MED13L: variants seen among roughly 807,000 people sequenced by gnomAD.
MED13L encodes the protein mediator complex subunit 13L.
MED13L carries 7 observed loss-of-function variants against 220.9 expected under a neutral mutation model. The ratio of observed to expected loss-of-function variants is 0.03; its 90% CI spans 0.02 to 0.06. The LOEUF (loss-of-function observed/expected upper bound fraction) is 0.06, where lower values mean the gene tolerates loss of function less well. Ranked by LOEUF, MED13L falls within the 10% of genes least tolerant of loss-of-function variation. The pLI, the probability that MED13L is intolerant of heterozygous loss-of-function variation, is 1.00. For synonymous variants in MED13L, 1,011 were observed against 1,015.2 expected (o/e 1.00, Z 0.08); for missense variants, 1,965 against 2,760.5 (o/e 0.71, Z 6.46).
chr12:116,232,013 CA>C, intron 2 of MED13L: 1 of 898,638 alleles, frequency 1.1e-6, no homozygotes, highest in Non-Finnish European at 1.3e-6. Flanking sequence ...TGCCCACTTG[CA>C]ATGAGTTCAA....
At chr12:116,084,923 C>T (rs1593025383) in intron 4 of MED13L, among the ~76,000 whole-genome samples, 1 of 152,114 alleles carries the variant, frequency 6.6e-6, no homozygotes, top group African/African-American at 2.4e-5. Context: ...TATATGTAGT[C>T]ATTTTTTTAA....
chr12:116,006,724 T>C (rs769820358), intron 11 of MED13L: 1 of 416,256 alleles, frequency 2.4e-6, no homozygotes, highest in African/African-American at 2.0e-5. Flanking sequence ...AACAACATTT[T>C]AGATGCTAAA....
At chr12:116,189,094 T>C (rs1270826122) in intron 2 of MED13L, among the ~76,000 whole-genome samples, 2 of 152,190 alleles carry the variant, frequency 1.3e-5, no homozygotes, top group Non-Finnish European at 2.9e-5. Context: ...AACTGCTAAA[T>C]GATAGTTGGC....
chr12:116,111,849 T>A (rs1212290609), intron 2 of MED13L, among the ~76,000 whole-genome samples: 1 of 152,208 alleles, frequency 6.6e-6, no homozygotes, highest in African/African-American at 2.4e-5. Context: ...AAAGACTAAT[T>A]TTGTTAAAGT....
At chr12:115,996,735 C>T in intron 15 of MED13L, 54 bp from the exon 16 acceptor site, 1 of 1,461,026 alleles carries the variant, frequency 6.8e-7, no homozygotes, top group South Asian at 1.1e-5. Flanking sequence ...GTAGAACACA[C>T]CACAGTGGCA....
intron 2 of MED13L, among the ~76,000 whole-genome samples, chr12:116,113,495 T>C (rs1295596437): frequency 1.3e-5 from 2 of 148,774 alleles, no homozygotes; most frequent in Non-Finnish European, 3.0e-5. Context: ...AAATTATATA[T>C]ATATATAAAA....
intron 4 of MED13L, among the ~76,000 whole-genome samples, chr12:116,025,822 AT>A (rs1180300398): frequency 7.2e-5 from 11 of 152,190 alleles, no homozygotes; most frequent in African/African-American, 2.7e-4. Flanking sequence ...GTTAACAATA[AT>A]GCATTGTATA....
chr12:116,184,715 A>G (rs928699666), intron 2 of MED13L, among the ~76,000 whole-genome samples: 28 of 152,220 alleles, frequency 1.8e-4, no homozygotes, highest in African/African-American at 6.5e-4. Context: ...TTAAAAAATC[A>G]ATAAAAGCCA....
At chr12:116,099,004 A>G (rs1872842467) in intron 3 of MED13L, among the ~76,000 whole-genome samples, 1 of 152,182 alleles carries the variant, frequency 6.6e-6, no homozygotes, top group Non-Finnish European at 1.5e-5. Flanking sequence ...AATATTATCA[A>G]TAACTGCTAC....
At chr12:115,978,117 A>G (rs1296639851) in intron 23 of MED13L, among the ~76,000 whole-genome samples, 2 of 152,140 alleles carry the variant, frequency 1.3e-5, no homozygotes, top group African/African-American at 4.8e-5. Context: ...GTGTGATTCC[A>G]TCTATAAGAA....
rs766327935 is a variant in MED13L, at chr12:115,991,199, T to C, written c.3755A>G (p.Gln1252Arg). 2.5e-6 allele frequency: 4 copies of C among 1,614,162 alleles called. No homozygotes were observed. The South Asian group carries it at 4.4e-5, about 18-fold the overall frequency. ...ACTCCAGCTTACACAGGGAAGAGTTTGGCGATTGTTAGAGGAAATGTAGTC... is the reference window on the plus strand; with the variant it reads ...ACTCCAGCTTACACAGGGAAGAGTTCGGCGATTGTTAGAGGAAATGTAGTC... ...FLDYISSNNR[Q>R]TLPCVSWSYD... The change falls in exon 17 of 31, where the codon CAA (glutamine) becomes CGA (arginine). Residue 1252 changes from glutamine to arginine, a missense_variant. By Grantham distance (43) the Gln-to-Arg change is conservative. Coordinates refer to ENST00000281928, the MANE Select transcript of MED13L (RefSeq NM_015335.5). This position sits in a 1 kb window ranked among gnomAD's most constrained non-coding sequence, Gnocchi z 7.7.
chr12:116,224,381 T>G (rs79126423), intron 2 of MED13L, among the ~76,000 whole-genome samples: 2,918 of 152,320 alleles, frequency 0.019, 54 homozygotes, highest in Non-Finnish European at 0.032. Context: ...AAGGTTATTA[T>G]GCCCAAAAAT....
intron 4 of MED13L, among the ~76,000 whole-genome samples, chr12:116,039,224 C>T (rs1291864772): frequency 6.6e-6 from 1 of 152,216 alleles, no homozygotes; most frequent in Non-Finnish European, 1.5e-5. Context: ...GCAGCTGGCA[C>T]TCACTGTGGC....
intron 3 of MED13L, among the ~76,000 whole-genome samples, chr12:116,101,284 T>C (rs1873045314): frequency 6.6e-6 from 1 of 152,238 alleles, no homozygotes; most frequent in Admixed American, 6.5e-5. Flanking sequence ...ACGGTGTGTG[T>C]CTGTCTTATC....
At chr12:116,092,782 T>G (rs950935151) in intron 4 of MED13L, among the ~76,000 whole-genome samples, 4 of 151,364 alleles carry the variant, frequency 2.6e-5, no homozygotes, top group Non-Finnish European at 5.9e-5. Flanking sequence ...GTGGGGGGGG[T>G]GTGTGCACAT....
intron 4 of MED13L, among the ~76,000 whole-genome samples, chr12:116,062,956 CT>C (rs539402036): frequency 3.2e-4 from 48 of 152,280 alleles, no homozygotes; most frequent in African/African-American, 1.1e-3. Flanking sequence ...TGTGTCTTTG[CT>C]GCTTTCTTCC....
At chr12:116,218,804 GC>G (rs1883151801) in intron 2 of MED13L, among the ~76,000 whole-genome samples, 1 of 151,882 alleles carries the variant, frequency 6.6e-6, no homozygotes, top group African/African-American at 2.4e-5. Context: ...TGCAATCTCA[GC>G]TCACTGCAGC....
chr12:116,181,071 T>TC, intron 2 of MED13L: 1 of 151,700 alleles, frequency 6.6e-6, no homozygotes, highest in East Asian at 1.9e-4. Context: ...GCTGGGATTA[T>TC]AGGTACACGC....
intron 2 of MED13L, among the ~76,000 whole-genome samples, chr12:116,153,603 G>C (rs909658019): frequency 4.6e-5 from 7 of 152,118 alleles, no homozygotes; most frequent in African/African-American, 1.7e-4. Context: ...CACTCTCCTG[G>C]AAGAAATAAT....
Sources: gnomAD v4.1 joint callset for allele counts (sites outside exome capture counted in the v4.1 genomes callset) on GRCh38, gnomAD v4.1.1 for gene constraint, Gnocchi (gnomAD v3.1) non-coding constraint, MANE v1.5 for transcripts, NCBI Gene and HGNC (gene_info 2026-07-23, HGNC 2026-07-21) for gene names.